KDM6A: variants seen among roughly 807,000 people sequenced by gnomAD.
KDM6A encodes lysine demethylase 6A, also known as lysine-specific demethylase 6A.
In KDM6A, 11 loss-of-function variants were observed where a neutral mutation model predicts 117.6. That is an observed-to-expected ratio of 0.09 (90% CI 0.06 to 0.15). The LOEUF (loss-of-function observed/expected upper bound fraction) is 0.15. KDM6A is among the 10% of genes least tolerant of loss of function. The probability of loss-of-function intolerance (pLI) is 1.00; values close to 1 mark genes in which losing one functional copy is unlikely to be tolerated. For missense variants in KDM6A, 799 were observed against 1,077.3 expected (o/e 0.74, Z 3.62); for synonymous variants, 384 against 396.1 (o/e 0.97, Z 0.36).
chrX:44,937,665 G>GAC (rs1389638214), intron 2 of KDM6A, among the ~76,000 whole-genome samples: 2 of 111,602 alleles, frequency 1.8e-5, no homozygotes, highest in African/African-American at 6.5e-5. Flanking sequence ...TATTCCCTGA[G>GAC]ACACAGTATT....
intron 21 of KDM6A, among the ~76,000 whole-genome samples, chrX:45,080,782 A>C (rs769708912): frequency 8.9e-6 from 1 of 112,545 alleles, no homozygotes; most frequent in South Asian, 3.6e-4. Flanking sequence ...TACTTCAAGT[A>C]CCTGGTAATA....
intron 2 of KDM6A, among the ~76,000 whole-genome samples, chrX:44,890,522 A>C (rs2033254520): frequency 9.1e-6 from 1 of 110,284 alleles, no homozygotes; most frequent in Admixed American, 9.7e-5. Flanking sequence ...TTCCAGTTTC[A>C]CTGCATCCTT....
At chrX:44,894,655 C>T (rs1488591819) in intron 2 of KDM6A, among the ~76,000 whole-genome samples, 1 of 107,403 alleles carries the variant, frequency 9.3e-6, no homozygotes, top group Non-Finnish European at 1.9e-5. Flanking sequence ...TTGTTTTGTC[C>T]CCCAGGCTGG....
chrX:45,111,311 A>G lies in KDM6A; in HGVS notation c.4333-71A>G, dbSNP rs1045927458. ...TTATTTCCCCTAACTTCACAAGCAGACTATATGTTTGTAGCCATGAGCTAT... is the reference window on the plus strand; with the variant it reads ...TTATTTCCCCTAACTTCACAAGCAGGCTATATGTTTGTAGCCATGAGCTAT... On this transcript the variant is annotated intron_variant, in intron 29 of 29. Coordinates refer to ENST00000611820, the MANE Select transcript of KDM6A (RefSeq NM_001291415.2). The G allele has an allele frequency of 3.5e-6, 3 of 867,703 alleles. No homozygotes were observed. The African/African-American group carries it at 5.9e-5, about 17-fold the overall frequency. The allele number at this position is 867,703 out of a possible 1,213,427, so 71.5% of individuals were successfully genotyped here. A position where few individuals can be genotyped will look rare whatever the true frequency, so the allele number is the denominator to read the frequency against.
intron 4 of KDM6A, among the ~76,000 whole-genome samples, chrX:44,980,666 A>G (rs1433630295): frequency 3.9e-5 from 4 of 102,497 alleles, no homozygotes; most frequent in African/African-American, 1.1e-4. Context: ...CTAGTATCCT[A>G]CTGTCTTACT....
chrX:45,030,607 G>A (rs1173765964), intron 6 of KDM6A, among the ~76,000 whole-genome samples: 1 of 110,060 alleles, frequency 9.1e-6, no homozygotes, highest in African/African-American at 3.3e-5. Context: ...TTTAAAGTAA[G>A]TACCATGGCA....
At chrX:45,004,605 C>A (rs1238362136) in intron 4 of KDM6A, among the ~76,000 whole-genome samples, 1 of 111,235 alleles carries the variant, frequency 9.0e-6, no homozygotes, top group Non-Finnish European at 1.9e-5. Flanking sequence ...ATCTCATAGG[C>A]CCTTCATCCT....
At chrX:44,970,901 CT>C (rs2039307459) in intron 3 of KDM6A, among the ~76,000 whole-genome samples, 1 of 111,333 alleles carries the variant, frequency 9.0e-6, no homozygotes, top group Non-Finnish European at 1.9e-5. Context: ...GTAATATATG[CT>C]TCCTTGTTCA....
intron 18 of KDM6A, among the ~76,000 whole-genome samples, chrX:45,073,268 A>G (rs957929272): frequency 9.0e-6 from 1 of 111,726 alleles, no homozygotes; most frequent in African/African-American, 3.3e-5. Flanking sequence ...AATCCAGTCT[A>G]TCATTGATGG....
chrX:44,877,024 TATATAC>T (rs1472551765), intron 2 of KDM6A, among the ~76,000 whole-genome samples: 1 of 112,383 alleles, frequency 8.9e-6, no homozygotes, highest in Non-Finnish European at 1.9e-5. Flanking sequence ...CGTGTATACA[TATATAC>T]ATGTATATAC....
intron 9 of KDM6A, among the ~76,000 whole-genome samples, chrX:45,053,372 C>T (rs2043942175): frequency 9.0e-6 from 1 of 111,182 alleles, no homozygotes; most frequent in African/African-American, 3.3e-5. Context: ...GCGGAGGTTG[C>T]AGTGAGCTGA....
chrX:45,059,432 C>A lies in KDM6A; in HGVS notation c.1160C>A (p.Thr387Asn), dbSNP rs780021220. The A allele has an allele frequency of 3.3e-6, 4 of 1,208,571 alleles. No homozygotes were observed. The highest frequency in any genetic ancestry group is 1.8e-5 in the South Asian group (1 of 56,873). The change falls in exon 12 of 30, where the codon ACC (threonine) becomes AAC (asparagine). Residue 387 changes from threonine to asparagine, a missense_variant. This residue lies in a region of KDM6A where 36 missense variants were observed against 44.4 expected (regional missense o/e 0.81). Transcript: ENST00000611820. ...NATRSKSCSN[T>N]SALAARIKYL... The stretch of plus-strand genomic sequence containing the variant: ...ACTAGAAGCAAAAGTTGTAGTAATA[C>A]CTCTGCACTTGCAGCACGAATTAAG...
intron 3 of KDM6A, among the ~76,000 whole-genome samples, chrX:44,963,440 AGTGTGTGTGT>A (rs747821170): frequency 1.4e-4 from 10 of 69,877 alleles, no homozygotes; most frequent in African/African-American, 2.3e-4. Flanking sequence ...AGGGTGACAG[AGTGTGTGTGT>A]GTGTGTGTGT....
At chrX:44,993,754 T>A (rs1221468655) in intron 4 of KDM6A, among the ~76,000 whole-genome samples, 1 of 111,408 alleles carries the variant, frequency 9.0e-6, no homozygotes, top group Non-Finnish European at 1.9e-5. Flanking sequence ...TAGTCTCAGC[T>A]ACTTAGGAGA....
intron 4 of KDM6A, among the ~76,000 whole-genome samples, chrX:44,980,470 G>A (rs1187820095): frequency 1.8e-5 from 2 of 109,897 alleles, no homozygotes; most frequent in Non-Finnish European, 3.8e-5. Context: ...TTGCTTGTTC[G>A]TGAACATGGC....
At chrX:45,063,111 AGGACCTATAAGTTC>A (rs1157808563) in intron 16 of KDM6A, among the ~76,000 whole-genome samples, 1 of 111,146 alleles carries the variant, frequency 9.0e-6, no homozygotes, top group Non-Finnish European at 1.9e-5. Flanking sequence ...GATTGAGAGA[AGGACCTATAAGTTC>A]GGGGTCGTTT....
At position 45,108,302 on chromosome X, in the gene KDM6A, T is replaced by C. The variant is rs774663597; in HGVS notation, c.4161+766T>C. On this transcript the variant is annotated intron_variant, in intron 28 of 29. Transcript: ENST00000611820. ...AAGGTTGAATGTGTTCCGATTTGGC[T>C]GGAACACAGACTGTGCAAATTCCGC... 7.2e-5 allele frequency among the ~76,000 whole-genome samples: 8 copies of C among 111,682 alleles called. No homozygotes were observed. In the South Asian group the frequency reaches 3.1e-3, roughly 43 times the overall value.
chrX:45,035,685 AATT>A (rs59024398), intron 7 of KDM6A, among the ~76,000 whole-genome samples: 5 of 108,599 alleles, frequency 4.6e-5, no homozygotes, highest in Non-Finnish European at 9.6e-5. Flanking sequence ...TTGAAAAATA[AATT>A]ATTATTATTA....
chrX:44,938,668 CCTT>C (rs1227466658), intron 2 of KDM6A, among the ~76,000 whole-genome samples: 1 of 112,317 alleles, frequency 8.9e-6, no homozygotes, highest in Non-Finnish European at 1.9e-5. Flanking sequence ...TATGAAACAG[CCTT>C]CTGTTGGAAG....
Sources: allele counts gnomAD v4.1 joint callset (sites outside exome capture counted in the v4.1 genomes callset), GRCh38; gene constraint gnomAD v4.1.1; regional missense constraint gnomAD v4.1.1; transcripts MANE v1.5; gene names NCBI Gene and HGNC (gene_info 2026-07-23, HGNC 2026-07-21).